The following DNMT1 variants were observed in gnomAD, a reference collection of about 807,000 sequenced individuals.
DNMT1 encodes DNA (cytosine-5)-methyltransferase 1.
In DNMT1, 24 loss-of-function variants were observed where a neutral mutation model predicts 205.3. The ratio of observed to expected loss-of-function variants is 0.12; its 90% confidence interval spans 0.08 to 0.16. DNMT1 has a LOEUF of 0.16. DNMT1 is among the 10% of genes least tolerant of loss of function. The pLI is 1.00. For synonymous variants in DNMT1, 817 were observed against 839.8 expected (o/e 0.97, Z 0.47); for missense variants, 1,293 against 2,177.7 (o/e 0.59, Z 8.09).
At chr19:10,174,343 G>T (rs989724807) in intron 7 of DNMT1, among the ~76,000 whole-genome samples, 3 of 152,048 alleles carry the variant, frequency 2.0e-5, no homozygotes, top group Non-Finnish European at 4.4e-5. Flanking sequence ...TTAAGCCCAG[G>T]AGGTTGAGGC....
In DNMT1 at chr19:10,137,395, C is replaced by T. The variant is rs1326482199; in HGVS notation, c.4294-115G>A. The T allele has an allele frequency of 7.6e-7, 1 of 1,318,888 alleles. No individual in the cohort carries two copies. Among genetic ancestry groups the T allele is most frequent in the Non-Finnish European group, 1.0e-6 (1 of 961,178 alleles). 81.7% of individuals were successfully genotyped at this position (1,318,888 alleles called of 1,614,324 possible). On this transcript the variant is annotated intron_variant, in intron 36 of 40. Coordinates refer to ENST00000359526, the MANE Select transcript of DNMT1 (RefSeq NM_001130823.3). The surrounding 1 kb of genome is among the most constrained non-coding windows in gnomAD (Gnocchi z 6.4). ...CCAGGAAGCCCCCTGGGGCTCACGC[C>T]CATCGGGAAAGAGACAGTCAGGGAT... is the stretch of plus-strand genomic sequence containing the variant.
chr19:10,137,849 T>C lies in DNMT1; in HGVS notation c.4276A>G (p.Arg1426Gly). The change falls in exon 36 of 41, where the codon AGG (arginine) becomes GGG (glycine). Residue 1426 changes from arginine to glycine, a missense_variant. Physicochemically the swap from Arg to Gly is moderately radical, Grantham distance 125 (BLOSUM62 -2). This residue lies in a region of DNMT1 where 148 missense variants were observed against 256.1 expected (regional missense o/e 0.58). Coordinates refer to ENST00000359526, the MANE Select transcript of DNMT1 (RefSeq NM_001130823.3). This position sits in a 1 kb window ranked among gnomAD's most constrained non-coding sequence, Gnocchi z 6.4. The part of the protein sequence containing the change: ...LRGAQYQPIL[R>G]DHICKDMSAL... ...GCCATTACCTTACAGATGTGGTCCCTGAGGATGGGCTGGTACTGTGCGCCC... is the reference window on the plus strand; with the variant it reads ...GCCATTACCTTACAGATGTGGTCCCCGAGGATGGGCTGGTACTGTGCGCCC... The C allele has an allele frequency of 6.2e-7, 1 of 1,613,342 alleles. No homozygotes were observed. The highest frequency in any genetic ancestry group is 8.5e-7 in the Non-Finnish European group (1 of 1,179,884).
rs2089443143 is a variant in DNMT1 at position 10,134,858 on chromosome 19, A to AG, written c.4774-552dup. Reference sequence around the variant, plus strand: ...AGGGGACAGAGTGAGACCCTGTCTCAGAAAAAAAAAAAAAAAAGACAAATG... The same window carrying AG: ...AGGGGACAGAGTGAGACCCTGTCTCAGGAAAAAAAAAAAAAAAAGACAAATG... On this transcript the variant is annotated intron_variant, in intron 39 of 40. Transcript: ENST00000359526. Among the ~76,000 whole-genome samples, 9 of 139,372 alleles carry AG rather than the reference A, an allele frequency of 6.5e-5. No homozygotes were observed. In the Admixed American group the frequency reaches 6.6e-4, roughly 10 times the overall value. 91.4% of individuals were successfully genotyped at this position (139,372 alleles called of 152,430 possible).
chr19:10,179,383 C>CCACCA (rs2038998150), intron 5 of DNMT1, among the ~76,000 whole-genome samples: 1 of 151,842 alleles, frequency 6.6e-6, no homozygotes, highest in Non-Finnish European at 1.5e-5. Context: ...CAGACACCCG[C>CCACCA]CACCACGTCT....
chr19:10,137,967 C>G lies in DNMT1; in HGVS notation c.4158G>C (p.Thr1386=), dbSNP rs368325985. Residue 1386 remains threonine, a synonymous_variant, in exon 36 of 41, where the codon ACG becomes ACC. Transcript: ENST00000359526. The surrounding 1 kb of genome is among the most constrained non-coding windows in gnomAD (Gnocchi z 6.4). ...GPFRTITVRD[T]MSDLPEVRNG... ...TCCGCACCTCCGGCAGGTCGGACAT[C>G]GTGTCTCGCACCGTGATGGTCCGGA... The G allele has an allele frequency of 1.2e-6, 2 of 1,611,540 alleles. No individual in the cohort carries two copies. Among genetic ancestry groups the G allele is most frequent in the Non-Finnish European group, 1.7e-6 (2 of 1,179,172 alleles).
Position 10,163,378 on chromosome 19 carries a change from G to A in DNMT1, c.892-18C>T, listed in dbSNP as rs1380263536. 1.2e-5 allele frequency: 20 copies of A among 1,613,306 alleles called. No homozygotes were observed. The Admixed American group carries it at 1.3e-4, about 11-fold the overall frequency. On this transcript the variant is annotated intron_variant, in intron 11 of 40. Coordinates refer to ENST00000359526, the MANE Select transcript of DNMT1 (RefSeq NM_001130823.3). ...TTCTCATCCTGACAGAAAAATAAGG[G>A]GGAGGTAGAGAGATAAAGAAGGGAA... is the stretch of plus-strand genomic sequence containing the variant.
chr19:10,152,342 G>C (rs1460791871), intron 22 of DNMT1, among the ~76,000 whole-genome samples: 1 of 151,012 alleles, frequency 6.6e-6, no homozygotes, highest in Non-Finnish European at 1.5e-5. Flanking sequence ...AAGACTTTTA[G>C]GCTGGGCATG....
intron 12 of DNMT1, 66 bp from the exon 13 acceptor site, chr19:10,162,814 C>T (rs936752547): frequency 5.8e-6 from 9 of 1,549,742 alleles, no homozygotes; most frequent in Admixed American, 3.4e-5. Context: ...CCAACTCGCA[C>T]GGAAAGTGAC....
chr19:10,148,262 C>T (rs1240565618), intron 27 of DNMT1, among the ~76,000 whole-genome samples: 2 of 151,016 alleles, frequency 1.3e-5, no homozygotes, highest in Non-Finnish European at 3.0e-5. Flanking sequence ...TTTGGGAGGC[C>T]AAGGCGGGCA....
chr19:10,151,594 A>G lies in DNMT1; in HGVS notation c.2118-49T>C. ...AAGGCCCCTTTTCTAAGTAAGACCA[A>G]CCGGGGCTGTTTTCTTCATAACAGG... On this transcript the variant is annotated intron_variant, in intron 23 of 40. Transcript: ENST00000359526. This position sits in a 1 kb window ranked among gnomAD's most constrained non-coding sequence, Gnocchi z 5.0. The G allele has an allele frequency of 6.2e-7, 1 of 1,612,176 alleles. No individual in the cohort carries two copies. Among genetic ancestry groups the G allele is most frequent in the Non-Finnish European group, 8.5e-7 (1 of 1,180,002 alleles).
intron 11 of DNMT1, among the ~76,000 whole-genome samples, chr19:10,163,957 C>T (rs1474963491): frequency 2.6e-5 from 4 of 152,068 alleles, no homozygotes; most frequent in African/African-American, 9.7e-5. Flanking sequence ...CTCCTAAGGG[C>T]TGACACAAGC....
intron 34 of DNMT1, among the ~76,000 whole-genome samples, chr19:10,139,293 C>T (rs543015762): frequency 1.2e-4 from 18 of 152,310 alleles, no homozygotes; most frequent in African/African-American, 4.3e-4. Context: ...GAACAGCTGC[C>T]GCCTACACAT....
At position 10,146,622 on chromosome 19, in the gene DNMT1, G is replaced by A. The variant is rs551889618; in HGVS notation, c.2721-98C>T. On this transcript the variant is annotated intron_variant, in intron 27 of 40. Transcript: ENST00000359526. The surrounding 1 kb of genome is among the most constrained non-coding windows in gnomAD (Gnocchi z 4.4). ...TTAATCCAGAGACTCTGGTAACCAAGAGGAAAAAACATTTGCAGATGCTAG... is the reference window on the plus strand; with the variant it reads ...TTAATCCAGAGACTCTGGTAACCAAAAGGAAAAAACATTTGCAGATGCTAG... 2.0e-6 allele frequency: 3 copies of A among 1,502,940 alleles called. No individual in the cohort carries two copies. Among genetic ancestry groups the A allele is most frequent in the East Asian group, 4.5e-5 (2 of 44,096 alleles). The allele number at this position is 1,502,940 out of a possible 1,614,324, so 93.1% of individuals were successfully genotyped here. A position where few individuals can be genotyped will look rare whatever the true frequency, so the allele number is the denominator to read the frequency against.
At chr19:10,155,764 T>C (rs576444413) in intron 19 of DNMT1, 89 bp downstream of exon 19, 2 of 1,392,286 alleles carry the variant, frequency 1.4e-6, no homozygotes, top group East Asian at 4.9e-5. Flanking sequence ...CTGCTGAGAA[T>C]TCCCACCAGA....
chr19:10,172,375 C>T (rs1248267491), intron 9 of DNMT1, among the ~76,000 whole-genome samples: 1 of 143,422 alleles, frequency 7.0e-6, no homozygotes, highest in Non-Finnish European at 1.5e-5. Context: ...CACTGCATTC[C>T]AGCCTGGGCA....
chr19:10,137,526 A>G lies in DNMT1; in HGVS notation c.4294-246T>C. On this transcript the variant is annotated intron_variant, in intron 36 of 40. Coordinates refer to ENST00000359526, the MANE Select transcript of DNMT1 (RefSeq NM_001130823.3). This position sits in a 1 kb window ranked among gnomAD's most constrained non-coding sequence, Gnocchi z 6.4. ...AGGGTGGGGGAAGGGGAGTGGTGCC[A>G]GGGGATGGTGAAAGGGCTGGTCTTG... The G allele has an allele frequency of 3.1e-6, 2 of 635,462 alleles. No individual in the cohort carries two copies. Among genetic ancestry groups the G allele is most frequent in the South Asian group, 1.9e-5 (1 of 51,922 alleles). 39.4% of individuals were successfully genotyped at this position (635,462 alleles called of 1,614,324 possible). A position where few individuals can be genotyped will look rare whatever the true frequency, so the allele number is the denominator to read the frequency against.
At chr19:10,141,780 T>C (rs2089604797) in intron 30 of DNMT1, 2 of 547,700 alleles carry the variant, frequency 3.7e-6, no homozygotes, top group South Asian at 2.4e-5. Context: ...GGTTCTCTAA[T>C]GACGTACTTT....
At position 10,149,845 on chromosome 19, in the gene DNMT1, A is replaced by T. The variant is rs1275415808; in HGVS notation, c.2381+8T>A. 6 of 1,614,074 alleles carry T rather than the reference A, an allele frequency of 3.7e-6. No individual in the cohort carries two copies. Among genetic ancestry groups the T allele is most frequent in the Non-Finnish European group, 4.2e-6 (5 of 1,179,884 alleles). On this transcript the variant is annotated splice_region_variant and intron_variant, in intron 25 of 40. Transcript: ENST00000359526. ...ATGCAGAAGTCAAGCAAAAAGAAAG[A>T]TGCAAACCTTGCTAGATACAGCGGT...
intron 7 of DNMT1, 94 bp downstream of exon 7, chr19:10,175,446 G>C (rs2038921245): frequency 6.8e-7 from 1 of 1,465,648 alleles, no homozygotes; most frequent in African/African-American, 1.4e-5. Context: ...CCCTAGACAG[G>C]GTTTTTATTT....
Sources: gnomAD v4.1 joint callset for allele counts (sites outside exome capture counted in the v4.1 genomes callset) on GRCh38, gnomAD v4.1.1 for gene constraint, gnomAD v4.1.1 regional missense constraint, Gnocchi (gnomAD v3.1) non-coding constraint, MANE v1.5 for transcripts, NCBI Gene and HGNC (gene_info 2026-07-23, HGNC 2026-07-21) for gene names.